The following CALN1 variants were observed in gnomAD, a reference collection of about 807,000 sequenced individuals.
The protein encoded by CALN1 is calcium-binding protein 8.
In CALN1, 17 loss-of-function variants were observed where a neutral mutation model predicts 30.6. The observed-to-expected ratio is 0.56, with a 90% confidence interval of 0.38 to 0.83. The LOEUF (loss-of-function observed/expected upper bound fraction) is 0.83. CALN1 is among the 40% of genes least tolerant of loss of function. The pLI, the probability that CALN1 is intolerant of heterozygous loss-of-function variation, is 0.00. For synonymous variants in CALN1, 156 were observed against 131.4 expected (o/e 1.19, Z -1.28); for missense variants, 291 against 354.9 (o/e 0.82, Z 1.45).
chr7:72,366,060 T>C (rs927937015), intron 2 of CALN1, among the ~76,000 whole-genome samples: 1 of 152,186 alleles, frequency 6.6e-6, no homozygotes, highest in African/African-American at 2.4e-5. Flanking sequence ...GCATTGCTCA[T>C]ATTATGAAAA....
At chr7:72,355,604 T>C (rs972874713) in intron 2 of CALN1, among the ~76,000 whole-genome samples, 2 of 152,214 alleles carry the variant, frequency 1.3e-5, no homozygotes, top group Non-Finnish European at 2.9e-5. Context: ...TTTGATTTCA[T>C]CAAATTTTAA....
chr7:72,377,007 A>G (rs1202223532), intron 2 of CALN1, among the ~76,000 whole-genome samples: 1 of 152,186 alleles, frequency 6.6e-6, no homozygotes, highest in Non-Finnish European at 1.5e-5. Flanking sequence ...AAATGTATAT[A>G]GGTTTTCTTT....
chr7:72,203,979 C>CTATTTTTTTTTTTTT (rs59798860), intron 3 of CALN1, among the ~76,000 whole-genome samples: 1 of 83,778 alleles, frequency 1.2e-5, no homozygotes, highest in Non-Finnish European at 2.1e-5. Flanking sequence ...AGGCCTCTCT[C>CTATTTTTTTTTTTTT]TTTTTTTTTT....
At chr7:72,038,622 A>G (rs1482266694) in intron 4 of CALN1, among the ~76,000 whole-genome samples, 1 of 152,126 alleles carries the variant, frequency 6.6e-6, no homozygotes, top group African/African-American at 2.4e-5. Context: ...AAGTCACAGG[A>G]TGAAATAGGA....
At chr7:71,880,232 C>T (rs1277186139) in intron 5 of CALN1, among the ~76,000 whole-genome samples, 1 of 152,180 alleles carries the variant, frequency 6.6e-6, no homozygotes, top group East Asian at 1.9e-4. Flanking sequence ...GCTCATCAAC[C>T]TAAAGTGAAA....
At chr7:71,963,776 A>G (rs1360837026) in intron 5 of CALN1, among the ~76,000 whole-genome samples, 1 of 152,210 alleles carries the variant, frequency 6.6e-6, no homozygotes, top group African/African-American at 2.4e-5. Flanking sequence ...TTTAAATGCT[A>G]CACGTACATT....
chr7:72,395,945 T>C (rs1048226387), intron 2 of CALN1, among the ~76,000 whole-genome samples: 5 of 152,004 alleles, frequency 3.3e-5, no homozygotes, highest in Admixed American at 3.3e-4. Context: ...TCCAAATATA[T>C]ATATTTTAAC....
At chr7:71,847,775 A>G (rs958391745) in intron 5 of CALN1, among the ~76,000 whole-genome samples, 18 of 67,264 alleles carry the variant, frequency 2.7e-4, no homozygotes, top group East Asian at 1.8e-3. Context: ...AGAAGAAGAA[A>G]GAAGAAGAAG....
At chr7:71,944,527 G>C (rs1464256570) in intron 5 of CALN1, among the ~76,000 whole-genome samples, 4 of 139,744 alleles carry the variant, frequency 2.9e-5, no homozygotes, top group African/African-American at 1.1e-4. Flanking sequence ...CTGGGAGGCA[G>C]AGGTTGCAGT....
chr7:72,148,699 G>A (rs1377592773), intron 3 of CALN1, among the ~76,000 whole-genome samples: 2 of 152,040 alleles, frequency 1.3e-5, no homozygotes, highest in African/African-American at 4.8e-5. Context: ...GAGGTCAGGT[G>A]TTCGAGACTA....
chr7:72,429,739 G>GTATA (rs58652627), intron 1 of CALN1, among the ~76,000 whole-genome samples: 6 of 139,678 alleles, frequency 4.3e-5, no homozygotes, highest in East Asian at 4.5e-4. Flanking sequence ...ATATGTCTGT[G>GTATA]TATATATATA....
chr7:72,056,913 G>A (rs1490890456), intron 4 of CALN1, among the ~76,000 whole-genome samples: 3 of 151,974 alleles, frequency 2.0e-5, no homozygotes, highest in Non-Finnish European at 4.4e-5. Flanking sequence ...TCCCCAGTAT[G>A]CAATGTTATT....
chr7:72,245,403 G>C (rs1046745825), intron 3 of CALN1, among the ~76,000 whole-genome samples: 2 of 151,942 alleles, frequency 1.3e-5, no homozygotes, highest in Non-Finnish European at 2.9e-5. Flanking sequence ...TGGAGCACCT[G>C]AGGTCAGGAG....
chr7:71,817,819 T>C (rs909347956), intron 5 of CALN1, among the ~76,000 whole-genome samples: 5 of 152,158 alleles, frequency 3.3e-5, no homozygotes, highest in African/African-American at 1.2e-4. Context: ...CGGCCATATT[T>C]ATATTTATTA....
chr7:72,403,784 G>A (rs1189510772), intron 1 of CALN1, among the ~76,000 whole-genome samples: 1 of 152,166 alleles, frequency 6.6e-6, no homozygotes, highest in Non-Finnish European at 1.5e-5. Context: ...CAACTTGCAA[G>A]GAAGCAAAAC....
intron 3 of CALN1, among the ~76,000 whole-genome samples, chr7:72,110,283 G>A (rs1337511481): frequency 6.6e-6 from 1 of 152,194 alleles, no homozygotes; most frequent in African/African-American, 2.4e-5. Context: ...TGAGGACCCG[G>A]ACAGCTGAGC....
At chr7:72,149,061 T>A (rs1413723340) in intron 3 of CALN1, among the ~76,000 whole-genome samples, 1 of 152,182 alleles carries the variant, frequency 6.6e-6, no homozygotes, top group Admixed American at 6.5e-5. Flanking sequence ...CTCTGTGTTA[T>A]GCTGGTTTCC....
chr7:72,235,025 T>A (rs1585230409), intron 3 of CALN1, among the ~76,000 whole-genome samples: 2 of 152,102 alleles, frequency 1.3e-5, no homozygotes, highest in African/African-American at 2.4e-5. Context: ...TCCTACCACT[T>A]TGGGAGGCCA....
intron 2 of CALN1, among the ~76,000 whole-genome samples, chr7:72,357,854 TTA>T (rs963392186): frequency 6.8e-6 from 1 of 147,472 alleles, no homozygotes; most frequent in Non-Finnish European, 1.5e-5. Context: ...ATATTTATAT[TTA>T]TATATATGTG....
Sources: allele counts gnomAD v4.1 joint callset (sites outside exome capture counted in the v4.1 genomes callset), GRCh38; gene constraint gnomAD v4.1.1; transcripts MANE v1.5; gene names NCBI Gene and HGNC (gene_info 2026-07-23, HGNC 2026-07-21).